CEP135: variants seen among roughly 807,000 people sequenced by gnomAD.
CEP135 encodes centrosomal protein 135, also known as centrosomal protein of 135 kDa.
A neutral mutation model predicts 157.3 loss-of-function variants in CEP135; 142 were observed. The observed-to-expected ratio is 0.90, with a 90% CI of 0.79 to 1.04. The LOEUF is 1.04. Among genes scored for constraint, CEP135 ranks in the 50% least tolerant of loss-of-function variants. The pLI is 0.00. For missense variants in CEP135, 1,317 were observed against 1,309.2 expected, an observed-to-expected ratio of 1.01 and a Z score of -0.09; for synonymous variants, 396 against 439.8, an observed-to-expected ratio of 0.90 and a Z score of 1.25.
chr4:55,965,599 T>C, intron 7 of CEP135, 45 bp from the exon 8 acceptor site: 1 of 1,331,016 alleles, frequency 7.5e-7, no homozygotes, highest in Non-Finnish European at 1.0e-6. Flanking sequence ...GTGTTTAGGA[T>C]AATTTTCCAA....
chr4:56,012,065 TTA>T, intron 21 of CEP135, 80 bp downstream of exon 21: 2 of 958,690 alleles, frequency 2.1e-6, no homozygotes, highest in Non-Finnish European at 1.4e-6. Context: ...ATTTATTTAT[TTA>T]TTTTTTTTGA....
At chr4:56,023,694 T>C (rs1012371093) in intron 24 of CEP135, among the ~76,000 whole-genome samples, 3 of 143,538 alleles carry the variant, frequency 2.1e-5, no homozygotes, top group Non-Finnish European at 4.5e-5. Flanking sequence ...ACATAATATA[T>C]ATATAATATA....
intron 17 of CEP135, among the ~76,000 whole-genome samples, chr4:56,005,094 A>G (rs1730310355): frequency 6.6e-6 from 1 of 152,112 alleles, no homozygotes; most frequent in Non-Finnish European, 1.5e-5. Flanking sequence ...TACAAAACGT[A>G]TCTTTCTAAG....
chr4:55,985,307 A>G lies in CEP135; in HGVS notation c.1806A>G (p.Gly602=), dbSNP rs748488437. Residue 602 remains glycine, a synonymous_variant, in exon 14 of 26, where the codon GGA becomes GGG. Coordinates refer to ENST00000257287, the MANE Select transcript of CEP135 (RefSeq NM_025009.5). ...LEHIEEVSLF[G]KSELEKTIEH... ...ATATTGAAGAAGTGAGTCTTTTTGG[A>G]AAATCAGAATTAGAGAAAACTATTG... The G allele has an allele frequency of 6.3e-7, 1 of 1,592,232 alleles. No homozygotes were observed. The highest frequency in any genetic ancestry group is 1.1e-5 in the South Asian group (1 of 90,064).
At chr4:56,002,496 G>A (rs1730210861) in intron 17 of CEP135, among the ~76,000 whole-genome samples, 1 of 151,998 alleles carries the variant, frequency 6.6e-6, no homozygotes, top group African/African-American at 2.4e-5. Context: ...TGATTTATAT[G>A]GTTTCTCTTC....
At chr4:56,014,796 G>A (rs1025860856) in intron 21 of CEP135, among the ~76,000 whole-genome samples, 1 of 152,150 alleles carries the variant, frequency 6.6e-6, no homozygotes, top group African/African-American at 2.4e-5. Context: ...TGGAAGGTCA[G>A]GGCAGGCAGA....
At chr4:56,000,318 CTT>C (rs1347678168) in intron 17 of CEP135, among the ~76,000 whole-genome samples, 2 of 152,076 alleles carry the variant, frequency 1.3e-5, no homozygotes, top group African/African-American at 2.4e-5. Flanking sequence ...ATATTTATCA[CTT>C]TATTTTTTTC....
At chr4:55,973,904 T>C (rs1283764579) in intron 10 of CEP135, among the ~76,000 whole-genome samples, 2 of 152,210 alleles carry the variant, frequency 1.3e-5, no homozygotes, top group African/African-American at 4.8e-5. Context: ...ATTCATTTGC[T>C]TATTTGACTG....
At chr4:55,976,266 G>A (rs1729214246) in intron 11 of CEP135, among the ~76,000 whole-genome samples, 1 of 150,636 alleles carries the variant, frequency 6.6e-6, no homozygotes, top group Non-Finnish European at 1.5e-5. Context: ...AAGAAAGAAA[G>A]AAAAAGAATG....
chr4:55,970,874 T>C (rs1729007074), intron 9 of CEP135, among the ~76,000 whole-genome samples: 1 of 152,190 alleles, frequency 6.6e-6, no homozygotes, highest in African/African-American at 2.4e-5. Flanking sequence ...TTGTTGTGCA[T>C]ATGAGGCTGA....
chr4:55,993,080 A>T lies in CEP135; in HGVS notation c.2009+995A>T, dbSNP rs80207473. Reference sequence around the variant, plus strand: ...ACTTGAGATCAGAAAGGATTATAGTAATGACACTTTAAAAAAAAGATTTAA... The same window carrying T: ...ACTTGAGATCAGAAAGGATTATAGTTATGACACTTTAAAAAAAAGATTTAA... On this transcript the variant is annotated intron_variant, in intron 15 of 25. Coordinates refer to ENST00000257287, the MANE Select transcript of CEP135 (RefSeq NM_025009.5). Among the ~76,000 whole-genome samples the T allele has an allele frequency of 5.8e-4, 88 of 152,328 alleles. No homozygotes were observed. In the East Asian group the frequency reaches 0.015, roughly 26 times the overall value.
intron 15 of CEP135, among the ~76,000 whole-genome samples, chr4:55,994,502 A>G (rs1560414029): frequency 6.6e-6 from 1 of 152,058 alleles, no homozygotes; most frequent in Non-Finnish European, 1.5e-5. Context: ...AGCTGTGCTC[A>G]TGCCACTGTA....
At chr4:56,009,121 C>G (rs939253548) in intron 18 of CEP135, among the ~76,000 whole-genome samples, 1 of 152,062 alleles carries the variant, frequency 6.6e-6, no homozygotes, top group African/African-American at 2.4e-5. Context: ...AGGCTGGTCT[C>G]GAACTCCTGG....
intron 8 of CEP135, among the ~76,000 whole-genome samples, chr4:55,966,921 C>A (rs1047721633): frequency 8.5e-5 from 13 of 152,120 alleles, no homozygotes; most frequent in African/African-American, 3.1e-4. Flanking sequence ...AATATAATAT[C>A]TTAAAATAAA....
At chr4:55,955,445 T>G (rs777134380) in intron 4 of CEP135, among the ~76,000 whole-genome samples, 56 of 152,030 alleles carry the variant, frequency 3.7e-4, no homozygotes, top group Non-Finnish European at 6.0e-4. Flanking sequence ...GTGGACAGAT[T>G]AGAACTGTGA....
chr4:56,015,613 G>A (rs1204126391), intron 21 of CEP135, among the ~76,000 whole-genome samples: 2 of 152,216 alleles, frequency 1.3e-5, no homozygotes. Flanking sequence ...GACTTACTTT[G>A]GACTAGTAAC....
chr4:55,967,833 G>C (rs1728890456), intron 8 of CEP135, among the ~76,000 whole-genome samples: 1 of 152,144 alleles, frequency 6.6e-6, no homozygotes, highest in Non-Finnish European at 1.5e-5. Context: ...ACTCAGTGGT[G>C]AAAAACTGGA....
intron 21 of CEP135, among the ~76,000 whole-genome samples, chr4:56,016,181 C>CAG (rs1217471829): frequency 6.6e-6 from 1 of 152,090 alleles, no homozygotes; most frequent in East Asian, 1.9e-4. Flanking sequence ...CAGCATCCAC[C>CAG]AGAAGCTAGG....
intron 25 of CEP135, among the ~76,000 whole-genome samples, chr4:56,027,327 A>G (rs1025497292): frequency 1.3e-5 from 2 of 152,314 alleles, no homozygotes; most frequent in East Asian, 3.9e-4. Context: ...CTATTAGTGT[A>G]AATTAAGCTT....
Sources: gnomAD v4.1 joint callset for allele counts (sites outside exome capture counted in the v4.1 genomes callset) on GRCh38, gnomAD v4.1.1 for gene constraint, MANE v1.5 for transcripts, NCBI Gene and HGNC (gene_info 2026-07-23, HGNC 2026-07-21) for gene names.